The following TEKT5 variants were observed in gnomAD, a reference collection of about 807,000 sequenced individuals.
TEKT5 encodes tektin 5, also known as tektin-5.
Under a neutral mutation model 48.7 loss-of-function variants are expected in TEKT5, and 52 were observed. The ratio of observed to expected loss-of-function variants is 1.07; its 90% CI spans 0.86 to 1.35. The LOEUF is 1.35. Ranked by LOEUF, TEKT5 falls within the 40% of genes most tolerant of loss-of-function variation. TEKT5 has a pLI of 0.00. For missense variants in TEKT5, 831 were observed against 641.6 expected (o/e 1.30, Z -3.19); for synonymous variants, 318 against 267.6 (o/e 1.19, Z -1.84).
At position 10,662,639 on chromosome 16, in the gene TEKT5, T is replaced by G. The variant is rs939622623; in HGVS notation, c.1086+13320A>C. Among the ~76,000 whole-genome samples the G allele has an allele frequency of 2.0e-5, 3 of 152,338 alleles. No individual in the cohort carries two copies. In the East Asian group the frequency reaches 5.8e-4, roughly 29 times the overall value. ...CAACGTATCCTTGTACTTTCTCCAATACATCTGCCTTTCTTTACCCATGAC... is the reference window on the plus strand; with the variant it reads ...CAACGTATCCTTGTACTTTCTCCAAGACATCTGCCTTTCTTTACCCATGAC... On this transcript the variant is annotated intron_variant, in intron 5 of 6. Transcript: ENST00000283025.
At chr16:10,637,260 T>C (rs2142260749) in intron 5 of TEKT5, among the ~76,000 whole-genome samples, 1 of 150,816 alleles carries the variant, frequency 6.6e-6, no homozygotes, top group South Asian at 2.1e-4. Flanking sequence ...TGTCTCAAAC[T>C]CCTGACCTCA....
chr16:10,693,644 A>G (rs1282932565), intron 1 of TEKT5, among the ~76,000 whole-genome samples: 1 of 152,252 alleles, frequency 6.6e-6, no homozygotes, highest in Non-Finnish European at 1.5e-5. Context: ...CTAATATTCA[A>G]TCAAGTATAG....
chr16:10,631,322 T>G (rs1897837827), intron 6 of TEKT5, among the ~76,000 whole-genome samples: 1 of 129,900 alleles, frequency 7.7e-6, no homozygotes, highest in Non-Finnish European at 1.6e-5. Context: ...GGGCTTGGGT[T>G]TGTTCTCAGT....
chr16:10,671,280 C>A (rs1898544419), intron 5 of TEKT5, among the ~76,000 whole-genome samples: 1 of 152,194 alleles, frequency 6.6e-6, no homozygotes, highest in African/African-American at 2.4e-5. Flanking sequence ...CATCCCCAGA[C>A]CACAAACTTC....
chr16:10,682,303 C>T (rs370340015), intron 3 of TEKT5, among the ~76,000 whole-genome samples, 167 bp from the exon 4 acceptor site: 1 of 151,786 alleles, frequency 6.6e-6, no homozygotes, highest in African/African-American at 2.4e-5. Flanking sequence ...GAGGCTCCCC[C>T]CAATCCAAAC....
At chr16:10,642,328 C>A (rs904736196) in intron 5 of TEKT5, among the ~76,000 whole-genome samples, 2 of 152,176 alleles carry the variant, frequency 1.3e-5, no homozygotes, top group African/African-American at 4.8e-5. Context: ...CACTGTCCAC[C>A]AGGCCACAGT....
chr16:10,664,206 G>A (rs1024255872), intron 5 of TEKT5, among the ~76,000 whole-genome samples: 1 of 152,172 alleles, frequency 6.6e-6, no homozygotes, highest in African/African-American at 2.4e-5. Flanking sequence ...GTTGTTCACT[G>A]TTGAATCCCC....
intron 5 of TEKT5, among the ~76,000 whole-genome samples, chr16:10,673,952 G>A (rs1048223862): frequency 7.2e-5 from 11 of 151,890 alleles, no homozygotes; most frequent in African/African-American, 2.4e-4. Flanking sequence ...ACGCCCGGCC[G>A]CTGCATCCAT....
rs1897768848 is a variant in TEKT5, at chr16:10,627,520, T to C, written c.*63A>G. 6.4e-7 allele frequency: 1 copy of C among 1,552,282 alleles called. No homozygotes were observed. Among genetic ancestry groups the C allele is most frequent in the African/African-American group, 1.4e-5 (1 of 73,662 alleles). ...CGGCCCTTTCAAACAAAATACTGTT[T>C]TACTTTGTTTCTCAGCCTTTTCCAA... On this transcript the variant is annotated 3_prime_UTR_variant, in exon 7 of 7. Coordinates refer to ENST00000283025, the MANE Select transcript of TEKT5 (RefSeq NM_144674.2).
At chr16:10,649,065 T>A (rs546721439) in intron 5 of TEKT5, among the ~76,000 whole-genome samples, 3 of 152,176 alleles carry the variant, frequency 2.0e-5, no homozygotes, top group Admixed American at 2.0e-4. Flanking sequence ...TCCTTCTGCC[T>A]CAGCCACCTG....
chr16:10,665,105 G>C (rs946696874), intron 5 of TEKT5, among the ~76,000 whole-genome samples: 1 of 152,170 alleles, frequency 6.6e-6, no homozygotes, highest in African/African-American at 2.4e-5. Flanking sequence ...GGGGAGGCTG[G>C]ACCAAGGAGG....
intron 3 of TEKT5, among the ~76,000 whole-genome samples, chr16:10,684,905 A>G (rs1003983040): frequency 2.0e-5 from 3 of 152,198 alleles, no homozygotes; most frequent in Non-Finnish European, 4.4e-5. Context: ...TGCGGGCCTC[A>G]GGCTTCGCAG....
At position 10,670,879 on chromosome 16, in the gene TEKT5, G is replaced by GTATT. The variant is rs200020336; in HGVS notation, c.1086+5076_1086+5079dup. Among the ~76,000 whole-genome samples, 6 of 151,052 alleles carry GTATT rather than the reference G, an allele frequency of 4.0e-5. No homozygotes were observed. The East Asian group carries it at 5.8e-4, about 15-fold the overall frequency. On this transcript the variant is annotated intron_variant, in intron 5 of 6. Coordinates refer to ENST00000283025, the MANE Select transcript of TEKT5 (RefSeq NM_144674.2). ...TATTTTTATTTATTTATTTATTTATGTATTTATTTATTTATTTCAACTTAT... is the reference window on the plus strand; with the variant it reads ...TATTTTTATTTATTTATTTATTTATGTATTTATTTATTTATTTATTTCAACTTAT...
In TEKT5 at chr16:10,676,134, T is replaced by A; in HGVS notation, c.911A>T (p.Lys304Ile). The change falls in exon 5 of 7, where the codon AAA becomes ATA. Residue 304 changes from lysine to isoleucine, a missense_variant. Lys to Ile is a moderately radical substitution (Grantham distance 102). Coordinates refer to ENST00000283025, the MANE Select transcript of TEKT5 (RefSeq NM_144674.2). Reference protein sequence around the residue: ...TWAKFSNDNIKHSQNMRANSI... With the variant: ...TWAKFSNDNIIHSQNMRANSI... ...GTTGGCCCGCATGTTCTGAGAGTGT[T>A]TGATGTTGTCGTTACTGAACTTGGC... The A allele has an allele frequency of 6.2e-7, 1 of 1,614,152 alleles. No individual in the cohort carries two copies. Among genetic ancestry groups the A allele is most frequent in the South Asian group, 1.1e-5 (1 of 91,078 alleles).
chr16:10,648,122 A>G (rs1898099237), intron 5 of TEKT5, among the ~76,000 whole-genome samples: 1 of 152,202 alleles, frequency 6.6e-6, no homozygotes, highest in Non-Finnish European at 1.5e-5. Context: ...CAGGGCCACA[A>G]AAAAAGGCAC....
At chr16:10,660,291 G>A (rs1402345895) in intron 5 of TEKT5, among the ~76,000 whole-genome samples, 1 of 152,196 alleles carries the variant, frequency 6.6e-6, no homozygotes, top group Non-Finnish European at 1.5e-5. Flanking sequence ...AAAAGAGCCT[G>A]CCCAAGGCAG....
In TEKT5 at chr16:10,694,355, C is replaced by G. The variant is rs1261058732; in HGVS notation, c.519G>C (p.Lys173Asn). ...LTENQNLETV[K>N]RRLECAANEV... ...CATTGGCCGCGCACTCCAGCCGCCT[C>G]TTGACCGTCTCCAAGTTCTGGTTCT... Residue 173 changes from lysine (K) to asparagine (N), a missense_variant, in exon 1 of 7, where the codon AAG (lysine) becomes AAC (asparagine). Coordinates refer to ENST00000283025, the MANE Select transcript of TEKT5 (RefSeq NM_144674.2). 1.2e-5 allele frequency: 19 copies of G among 1,613,008 alleles called. No individual in the cohort carries two copies. Among genetic ancestry groups the G allele is most frequent in the Non-Finnish European group, 1.6e-5 (19 of 1,179,386 alleles).
chr16:10,689,708 T>C (rs988943297), intron 2 of TEKT5, among the ~76,000 whole-genome samples: 2 of 152,172 alleles, frequency 1.3e-5, no homozygotes, highest in Admixed American at 6.5e-5. Context: ...ATTATTGTTA[T>C]TGGTATATTA....
rs929742211 is a variant in TEKT5, at chr16:10,668,238, G to A, written c.1086+7721C>T. Among the ~76,000 whole-genome samples the A allele has an allele frequency of 2.6e-5, 4 of 152,158 alleles. No individual in the cohort carries two copies. The East Asian group carries it at 7.8e-4, about 29-fold the overall frequency. ...ATTGCTTTCCAAAGCTTCTAAGCCT[G>A]AGGCCTGATGCCTTTGTTAGAAAGG... On this transcript the variant is annotated intron_variant, in intron 5 of 6. Coordinates refer to ENST00000283025, the MANE Select transcript of TEKT5 (RefSeq NM_144674.2).
Sources: allele counts gnomAD v4.1 joint callset (sites outside exome capture counted in the v4.1 genomes callset), GRCh38; gene constraint gnomAD v4.1.1; transcripts MANE v1.5; gene names NCBI Gene and HGNC (gene_info 2026-07-23, HGNC 2026-07-21).